PALM2AKAP2: variants seen among roughly 807,000 people sequenced by gnomAD.
PALM2AKAP2 encodes the protein PALM2 and AKAP2 fusion, also known as PALM2-AKAP2 fusion protein.
In PALM2AKAP2, 37 loss-of-function variants were observed where a neutral mutation model predicts 71.5. The ratio of observed to expected loss-of-function variants is 0.52; its 90% CI spans 0.40 to 0.68. The LOEUF is 0.68. Ranked by LOEUF, PALM2AKAP2 falls within the 30% of genes least tolerant of loss-of-function variation. The probability of loss-of-function intolerance (pLI) is 0.00; values close to 1 mark genes in which losing one functional copy is unlikely to be tolerated. For synonymous variants in PALM2AKAP2, 468 were observed against 478.8 expected, an observed-to-expected ratio of 0.98 and a Z score of 0.29; for missense variants, 1,224 against 1,191.8, an observed-to-expected ratio of 1.03 and a Z score of -0.40.
intron 5 of PALM2AKAP2, among the ~76,000 whole-genome samples, chr9:109,926,431 A>T (rs1399793391): frequency 1.3e-5 from 2 of 152,052 alleles, no homozygotes; most frequent in African/African-American, 2.4e-5. Flanking sequence ...GACCTACAAT[A>T]CTTCTAGGAA....
chr9:109,946,854 A>G (rs946841611), intron 6 of PALM2AKAP2, among the ~76,000 whole-genome samples: 8 of 152,156 alleles, frequency 5.3e-5, no homozygotes, highest in Non-Finnish European at 1.0e-4. Flanking sequence ...GATTAATTCT[A>G]CATATCTTGA....
chr9:109,996,661 C>G (rs539722808), intron 6 of PALM2AKAP2, among the ~76,000 whole-genome samples: 1 of 152,372 alleles, frequency 6.6e-6, no homozygotes, highest in South Asian at 2.1e-4. Context: ...GACCCACTCT[C>G]AGATGCTATG....
At chr9:109,872,589 A>C (rs1419129679) in intron 2 of PALM2AKAP2, among the ~76,000 whole-genome samples, 1 of 152,186 alleles carries the variant, frequency 6.6e-6, no homozygotes, top group Non-Finnish European at 1.5e-5. Flanking sequence ...CTTCTAATCC[A>C]AGCTATAAAA....
intron 1 of PALM2AKAP2, among the ~76,000 whole-genome samples, chr9:110,098,936 C>T (rs1472843448): frequency 3.9e-5 from 6 of 152,184 alleles, no homozygotes; most frequent in Non-Finnish European, 7.3e-5. Context: ...TCCTCTTTCC[C>T]CCAGCTCTGG....
intron 2 of PALM2AKAP2, 142 bp from the exon 9 acceptor site, chr9:110,156,174 TATA>T (rs749372714): frequency 1.3e-5 from 15 of 1,191,266 alleles, no homozygotes; most frequent in Non-Finnish European, 1.7e-5. Context: ...ATCCCTGTAA[TATA>T]ATAAAATGGC....
chr9:110,113,233 T>C (rs1835288355), intron 1 of PALM2AKAP2, among the ~76,000 whole-genome samples: 1 of 135,550 alleles, frequency 7.4e-6, no homozygotes. Context: ...GTTTTTGTTT[T>C]TGTTTTTTTC....
intron 6 of PALM2AKAP2, among the ~76,000 whole-genome samples, chr9:109,935,144 C>G (rs943986751): frequency 6.6e-6 from 1 of 152,212 alleles, no homozygotes; most frequent in Admixed American, 6.5e-5. Flanking sequence ...TCACTTGAAT[C>G]TAGGCCTCAA....
chr9:109,912,321 A>G (rs1564206968), intron 3 of PALM2AKAP2, among the ~76,000 whole-genome samples: 4 of 151,910 alleles, frequency 2.6e-5, no homozygotes, highest in Non-Finnish European at 5.9e-5. Flanking sequence ...AAAAAAAAAA[A>G]GAGGAGGAAA....
chr9:110,132,320 A>G (rs1215302331), intron 1 of PALM2AKAP2, among the ~76,000 whole-genome samples: 1 of 151,208 alleles, frequency 6.6e-6, no homozygotes, highest in Non-Finnish European at 1.5e-5. Flanking sequence ...TTAGCCTCCC[A>G]AAGTGCTGGG....
chr9:110,034,438 G>A (rs563378739), intron 7 of PALM2AKAP2, among the ~76,000 whole-genome samples: 7 of 152,220 alleles, frequency 4.6e-5, no homozygotes, highest in Middle Eastern at 3.4e-3. Flanking sequence ...GATTACAGGC[G>A]TGAACCACCA....
chr9:110,165,712 G>A (rs73655317), intron 3 of PALM2AKAP2, among the ~76,000 whole-genome samples: 8,270 of 152,214 alleles, frequency 0.054, 604 homozygotes, highest in African/African-American at 0.17. Flanking sequence ...ATAATTATGA[G>A]TATTATTTTT....
chr9:109,665,006 G>C (rs1474941729), intron 1 of PALM2AKAP2, among the ~76,000 whole-genome samples: 2 of 152,170 alleles, frequency 1.3e-5, no homozygotes, highest in Non-Finnish European at 1.5e-5. Flanking sequence ...GTGTCACAAA[G>C]TTCTCGTGCC....
At chr9:109,876,130 CAG>C (rs200751078) in intron 2 of PALM2AKAP2, among the ~76,000 whole-genome samples, 2,032 of 152,244 alleles carry the variant, frequency 0.013, 43 homozygotes, top group African/African-American at 0.046. Context: ...AGGCCACAAA[CAG>C]AGAAAAGTTT....
chr9:109,723,669 A>G (rs988982580), intron 1 of PALM2AKAP2, among the ~76,000 whole-genome samples: 5 of 152,218 alleles, frequency 3.3e-5, no homozygotes, highest in African/African-American at 1.2e-4. Context: ...AAGGCATTTA[A>G]CAAGAAGGTG....
chr9:109,653,667 G>A (rs541706616), intron 1 of PALM2AKAP2, among the ~76,000 whole-genome samples: 1 of 152,238 alleles, frequency 6.6e-6, no homozygotes, highest in Non-Finnish European at 1.5e-5. Context: ...TAGTTGGGGG[G>A]TTCCTGTGTT....
chr9:110,098,180 G>A (rs900228207), intron 1 of PALM2AKAP2, among the ~76,000 whole-genome samples: 1 of 151,612 alleles, frequency 6.6e-6, no homozygotes, highest in Non-Finnish European at 1.5e-5. Context: ...AGGGGAGAGG[G>A]AATCACAGAA....
intron 1 of PALM2AKAP2, among the ~76,000 whole-genome samples, chr9:109,707,371 C>A (rs1184720841): frequency 6.6e-6 from 1 of 152,132 alleles, no homozygotes; most frequent in Non-Finnish European, 1.5e-5. Flanking sequence ...TAGAGGCCCC[C>A]ACCCTGCCCC....
intron 1 of PALM2AKAP2, among the ~76,000 whole-genome samples, chr9:110,130,181 C>T (rs144324806): frequency 4.5e-4 from 69 of 152,252 alleles, no homozygotes; most frequent in Admixed American, 1.0e-3. Flanking sequence ...TTGCATTAAC[C>T]GTTTTACAGT....
At chr9:110,016,692 G>A (rs915291034) in intron 7 of PALM2AKAP2, among the ~76,000 whole-genome samples, 6 of 152,130 alleles carry the variant, frequency 3.9e-5, no homozygotes, top group Admixed American at 2.0e-4. Context: ...CCTCTGTTAC[G>A]GGATTAAACA....
Sources: gnomAD v4.1 joint callset for allele counts (sites outside exome capture counted in the v4.1 genomes callset) on GRCh38, gnomAD v4.1.1 for gene constraint, MANE v1.5 for transcripts, NCBI Gene and HGNC (gene_info 2026-07-23, HGNC 2026-07-21) for gene names.